RAB28: variants seen among roughly 807,000 people sequenced by gnomAD.
The protein encoded by RAB28 is ras-related protein Rab-28.
In RAB28, 24 loss-of-function variants were observed where a neutral mutation model predicts 31.7. The ratio of observed to expected loss-of-function variants is 0.76; its 90% confidence interval spans 0.55 to 1.06. The LOEUF is 1.06. RAB28 is among the 50% of genes least tolerant of loss of function. The pLI, the probability that RAB28 is intolerant of heterozygous loss-of-function variation, is 0.00. For synonymous variants in RAB28, 100 were observed against 90.4 expected, an observed-to-expected ratio of 1.11 and a Z score of -0.60; for missense variants, 254 against 258.5, an observed-to-expected ratio of 0.98 and a Z score of 0.12.
At chr4:13,376,337 A>C (rs1044980099) in intron 6 of RAB28, among the ~76,000 whole-genome samples, 3 of 152,162 alleles carry the variant, frequency 2.0e-5, no homozygotes, top group African/African-American at 7.2e-5. Context: ...CAAAAGAGAC[A>C]AAATGAGGTT....
chr4:13,379,099 C>T (rs945968686), intron 5 of RAB28, among the ~76,000 whole-genome samples: 1 of 149,240 alleles, frequency 6.7e-6, no homozygotes, highest in Non-Finnish European at 1.5e-5. Flanking sequence ...CCCAGCTATT[C>T]GGGAGGCTGA....
intron 3 of RAB28, among the ~76,000 whole-genome samples, chr4:13,465,381 C>G (rs1236134404): frequency 6.6e-6 from 1 of 150,908 alleles, no homozygotes; most frequent in Non-Finnish European, 1.5e-5. Flanking sequence ...ACAGAGAAAT[C>G]TTGAAAGAAG....
At chr4:13,458,786 C>T (rs1448519609) in intron 4 of RAB28, among the ~76,000 whole-genome samples, 3 of 152,178 alleles carry the variant, frequency 2.0e-5, no homozygotes, top group African/African-American at 7.2e-5. Context: ...ACATGCTATA[C>T]AAGTTTGTAG....
intron 4 of RAB28, among the ~76,000 whole-genome samples, chr4:13,417,042 G>A (rs376099553): frequency 4.6e-5 from 7 of 152,194 alleles, no homozygotes; most frequent in Admixed American, 6.5e-5. Context: ...CAAATACTGC[G>A]CTTTTCCAAT....
At chr4:13,414,899 A>C (rs1436819943) in intron 4 of RAB28, among the ~76,000 whole-genome samples, 1 of 152,222 alleles carries the variant, frequency 6.6e-6, no homozygotes, top group African/African-American at 2.4e-5. Context: ...ACAGGATGAA[A>C]ACCAACTTCC....
intron 3 of RAB28, among the ~76,000 whole-genome samples, chr4:13,472,437 G>A (rs1472842434): frequency 6.6e-6 from 1 of 151,166 alleles, no homozygotes; most frequent in Non-Finnish European, 1.5e-5. Flanking sequence ...TAAATGACTT[G>A]AAGATAGAAT....
intron 4 of RAB28, among the ~76,000 whole-genome samples, chr4:13,408,362 C>G (rs1712223933): frequency 6.6e-6 from 1 of 152,136 alleles, no homozygotes; most frequent in African/African-American, 2.4e-5. Flanking sequence ...AGGATGAAGC[C>G]AACTTGATCG....
chr4:13,451,071 G>A (rs1177591971), intron 4 of RAB28, among the ~76,000 whole-genome samples: 2 of 151,884 alleles, frequency 1.3e-5, no homozygotes, highest in Non-Finnish European at 3.0e-5. Flanking sequence ...GAACAGAACT[G>A]TAGGAAAGCA....
intron 1 of RAB28, among the ~76,000 whole-genome samples, chr4:13,483,849 G>C (rs1203181205): frequency 6.6e-6 from 1 of 152,242 alleles, no homozygotes; most frequent in Non-Finnish European, 1.5e-5. Context: ...TCGCAATCCA[G>C]GCGGGGAGTT....
In RAB28 at chr4:13,484,056, G is replaced by A. The variant is rs1254678099; in HGVS notation, c.75+20C>T. The A allele has an allele frequency of 1.3e-6, 2 of 1,579,754 alleles. No homozygotes were observed. Among genetic ancestry groups the A allele is most frequent in the South Asian group, 1.2e-5 (1 of 86,936 alleles). ...GGGGTTCCTGCAGGCCTGGGACGGC[G>A]GGCCTGCTCGAGGACTGACCTTCCC... is the stretch of plus-strand genomic sequence containing the variant. On this transcript the variant is annotated intron_variant, in intron 1 of 6. Transcript: ENST00000330852.
intron 5 of RAB28, among the ~76,000 whole-genome samples, chr4:13,377,710 G>A (rs1303470569): frequency 2.0e-5 from 3 of 152,158 alleles, no homozygotes; most frequent in Non-Finnish European, 2.9e-5. Flanking sequence ...ATTCACTATA[G>A]GAGACCAAGT....
chr4:13,408,980 T>C (rs1712265162), intron 4 of RAB28, among the ~76,000 whole-genome samples: 1 of 152,186 alleles, frequency 6.6e-6, no homozygotes, highest in South Asian at 2.1e-4. Flanking sequence ...AGTTATGAAG[T>C]TATTCCACAA....
intron 4 of RAB28, among the ~76,000 whole-genome samples, chr4:13,457,369 G>C (rs1398854438): frequency 1.3e-5 from 2 of 151,972 alleles, no homozygotes; most frequent in African/African-American, 4.8e-5. Flanking sequence ...AGGAGACTTA[G>C]GGTTAAAGCC....
intron 3 of RAB28, among the ~76,000 whole-genome samples, chr4:13,470,106 CTATT>C (rs1192276662): frequency 1.3e-5 from 2 of 152,100 alleles, no homozygotes; most frequent in Non-Finnish European, 2.9e-5. Context: ...AGTACACACA[CTATT>C]TAACCTTCTC....
intron 4 of RAB28, among the ~76,000 whole-genome samples, chr4:13,411,901 A>G (rs1173264495): frequency 6.6e-6 from 1 of 152,034 alleles, no homozygotes; most frequent in African/African-American, 2.4e-5. Context: ...CCCACTTAAC[A>G]GGCAAAGAAA....
intron 3 of RAB28, among the ~76,000 whole-genome samples, chr4:13,466,306 T>C (rs963468439): frequency 6.6e-6 from 1 of 151,842 alleles, no homozygotes; most frequent in African/African-American, 2.4e-5. Flanking sequence ...TTTCAAGTCA[T>C]ACATCCAATA....
intron 3 of RAB28, among the ~76,000 whole-genome samples, chr4:13,471,213 C>T (rs1716101982): frequency 6.6e-6 from 1 of 151,978 alleles, no homozygotes; most frequent in Non-Finnish European, 1.5e-5. Context: ...TATAAAGCAT[C>T]TATAACTCCA....
At chr4:13,429,418 A>G (rs1274867236) in intron 4 of RAB28, among the ~76,000 whole-genome samples, 2 of 152,250 alleles carry the variant, frequency 1.3e-5, no homozygotes, top group Non-Finnish European at 2.9e-5. Context: ...GAGGAAATAA[A>G]CTAGTTCAGC....
intron 5 of RAB28, among the ~76,000 whole-genome samples, chr4:13,379,205 CAAAAAAAAAAAA>C (rs34341516): frequency 3.4e-5 from 2 of 57,986 alleles, no homozygotes; most frequent in South Asian, 1.5e-3. Context: ...AACTCTGTCT[CAAAAAAAAAAAA>C]AAAAAAAAAA....
Sources: allele counts gnomAD v4.1 joint callset (sites outside exome capture counted in the v4.1 genomes callset), GRCh38; gene constraint gnomAD v4.1.1; transcripts MANE v1.5; gene names NCBI Gene and HGNC (gene_info 2026-07-23, HGNC 2026-07-21).